C11orf65: variants seen among roughly 807,000 people sequenced by gnomAD.
The protein encoded by C11orf65 is protein MFI.
C11orf65 carries 38 observed loss-of-function variants against 35.3 expected under a neutral mutation model. The ratio of observed to expected loss-of-function variants is 1.08; its 90% CI spans 0.83 to 1.41. C11orf65 has a LOEUF of 1.41. Ranked by LOEUF, C11orf65 falls within the 40% of genes most tolerant of loss-of-function variation. The pLI, the probability that C11orf65 is intolerant of heterozygous loss-of-function variation, is 0.00. For synonymous variants in C11orf65, 105 were observed against 114.4 expected (o/e 0.92, Z 0.53); for missense variants, 370 against 367.1 (o/e 1.01, Z -0.06).
At chr11:108,465,712 C>T (rs189124044) in intron 1 of C11orf65, among the ~76,000 whole-genome samples, 15 of 151,432 alleles carry the variant, frequency 9.9e-5, no homozygotes, top group Admixed American at 7.2e-4. Context: ...AGGCTGGGCG[C>T]GGTGGCTCAC....
At chr11:108,387,979 G>C (rs751616412) in intron 7 of C11orf65, among the ~76,000 whole-genome samples, 1 of 152,220 alleles carries the variant, frequency 6.6e-6, no homozygotes, top group African/African-American at 2.4e-5. Context: ...GACAAGAGCA[G>C]GTGGTGTAAC....
intron 6 of C11orf65, among the ~76,000 whole-genome samples, chr11:108,317,765 C>G (rs2084876147): frequency 1.3e-5 from 2 of 150,366 alleles, no homozygotes; most frequent in African/African-American, 4.9e-5. Context: ...ATAGATAGCC[C>G]TAAATCCTTC....
At chr11:108,399,316 A>T (rs1165086586) in intron 6 of C11orf65, among the ~76,000 whole-genome samples, 6 of 152,140 alleles carry the variant, frequency 3.9e-5, no homozygotes, top group African/African-American at 1.4e-4. Context: ...TTCCAATTTT[A>T]TTCTTTGCAA....
At chr11:108,335,139 T>TA (rs1240696503) in intron 3 of C11orf65, 2 of 1,613,536 alleles carry the variant, frequency 1.2e-6, no homozygotes, top group East Asian at 2.2e-5. Flanking sequence ...GCTTAGCCCT[T>TA]AGAGTTTTAG....
At chr11:108,326,573 G>T (rs2085705373), downstream of C11orf65, among the ~76,000 whole-genome samples, 1 of 152,174 alleles carries the variant, frequency 6.6e-6, no homozygotes, top group Non-Finnish European at 1.5e-5. Context: ...ATGAATGAGA[G>T]AACTAAATTA....
chr11:108,333,201 A>G (rs1388980925), intron 3 of C11orf65, among the ~76,000 whole-genome samples: 1 of 152,200 alleles, frequency 6.6e-6, no homozygotes, highest in Non-Finnish European at 1.5e-5. Flanking sequence ...TAATTGAATA[A>G]CTGAACATTT....
At chr11:108,329,527 C>T (rs1440263948), downstream of C11orf65, among the ~76,000 whole-genome samples, 1 of 152,068 alleles carries the variant, frequency 6.6e-6, no homozygotes, top group African/African-American at 2.4e-5. Context: ...TGATTCTCCC[C>T]CTGAGCCCCC....
chr11:108,374,440 A>C (rs1390461850), intron 2 of C11orf65, among the ~76,000 whole-genome samples: 1 of 152,258 alleles, frequency 6.6e-6, no homozygotes, highest in East Asian at 1.9e-4. Context: ...GTCTGTTAGA[A>C]GGAAAACTAA....
chr11:108,449,989 C>T (rs1275993985), intron 2 of C11orf65, among the ~76,000 whole-genome samples: 4 of 151,792 alleles, frequency 2.6e-5, no homozygotes, highest in Non-Finnish European at 5.9e-5. Context: ...AACAGACACT[C>T]CTCAAAAGAA....
rs140860234 is a variant in C11orf65 at position 108,389,253 on chromosome 11, C to T, written c.732-3278G>A. ...TATCTAGAGGTCTACAAAGGTCAAA[C>T]GGGGAAGTAGACTGTGGAGACCATA... On this transcript the variant is annotated intron_variant, in intron 7 of 8. Transcript: ENST00000393084. Among the ~76,000 whole-genome samples, 1,135 of 152,252 alleles carry T rather than the reference C, an allele frequency of 7.5e-3. 11 individuals are homozygous for T. The highest frequency in any genetic ancestry group is 0.025 in the African/African-American group (1,030 of 41,554).
intron 6 of C11orf65, 115 bp downstream of exon 6, chr11:108,405,314 C>G: frequency 9.6e-7 from 1 of 1,044,808 alleles, no homozygotes; most frequent in Non-Finnish European, 1.4e-6. Flanking sequence ...GGGTCAGGGT[C>G]TGCGGGCAGA....
downstream of C11orf65, chr11:108,327,714 T>A (rs2136377302): frequency 6.2e-7 from 1 of 1,614,062 alleles, no homozygotes. Context: ...AGCAGAAACG[T>A]GCTTAGAAAA....
intron 6 of C11orf65, among the ~76,000 whole-genome samples, chr11:108,311,576 T>C (rs1174153127): frequency 6.6e-6 from 1 of 152,038 alleles, no homozygotes; most frequent in Non-Finnish European, 1.5e-5. Context: ...CCTGCACATG[T>C]AGTCCCAGCA....
chr11:108,423,070 C>T (rs913699902), intron 3 of C11orf65, among the ~76,000 whole-genome samples: 6 of 152,180 alleles, frequency 3.9e-5, no homozygotes, highest in African/African-American at 9.7e-5. Context: ...CTATGCTTTT[C>T]GCACGATCTT....
rs2137865874 is a variant in C11orf65, at chr11:108,365,062, C to T, written c.226+28146G>A. The T allele has an allele frequency of 6.2e-7, 1 of 1,612,528 alleles. No homozygotes were observed. ...TAAAATGTACATTGTTCTTTTAATACATATGTTCTCTCTGTTTAGGTCCTT... is the reference window on the plus strand; with the variant it reads ...TAAAATGTACATTGTTCTTTTAATATATATGTTCTCTCTGTTTAGGTCCTT... On this transcript the variant is annotated intron_variant, in intron 2 of 3. Transcript: ENST00000524755.
At chr11:108,461,634 TTA>T in intron 1 of C11orf65, 66 bp from the exon 2 acceptor site, 1 of 1,094,212 alleles carries the variant, frequency 9.1e-7, no homozygotes, top group Non-Finnish European at 1.3e-6. Context: ...TTTTATTTAT[TTA>T]TTTTTTTTAG....
intron 3 of C11orf65, among the ~76,000 whole-genome samples, chr11:108,424,057 G>A (rs531599332): frequency 2.2e-4 from 34 of 152,286 alleles, no homozygotes; most frequent in African/African-American, 7.9e-4. Context: ...CAGAGAATGA[G>A]TTAGACGAAT....
At chr11:108,433,578 T>TCAAAA (rs140429504) in intron 2 of C11orf65, among the ~76,000 whole-genome samples, 31,701 of 148,790 alleles carry the variant, frequency 0.21, 3,834 homozygotes, top group Non-Finnish European at 0.27. Context: ...AGACTCCGTC[T>TCAAAA]CAAAACAAAA....
intron 2 of C11orf65, among the ~76,000 whole-genome samples, chr11:108,370,375 A>G (rs78828888): frequency 0.024 from 3,658 of 151,724 alleles, 112 homozygotes; most frequent in African/African-American, 0.076. Flanking sequence ...ATCTATGAGT[A>G]ATGTTTGGAT....
Sources: gnomAD v4.1 joint callset for allele counts (sites outside exome capture counted in the v4.1 genomes callset) on GRCh38, gnomAD v4.1.1 for gene constraint, MANE v1.5 for transcripts, NCBI Gene and HGNC (gene_info 2026-07-23, HGNC 2026-07-21) for gene names.